Variants in ENPEP observed in about 807,000 individuals in gnomAD.
ENPEP encodes glutamyl aminopeptidase.
In ENPEP, 103 loss-of-function variants were observed where a neutral mutation model predicts 114.5. That is an observed-to-expected ratio of 0.90 (90% CI 0.77 to 1.06). The LOEUF (loss-of-function observed/expected upper bound fraction) is 1.06, where lower values mean the gene tolerates loss of function less well. Among genes scored for constraint, ENPEP ranks in the 50% least tolerant of loss-of-function variants. The pLI is 0.00. For missense variants in ENPEP, 1,196 were observed against 1,161.3 expected (o/e 1.03, Z -0.43); for synonymous variants, 420 against 422.0 (o/e 1.00, Z 0.06).
At chr4:110,524,256 G>A (rs879932490) in intron 10 of ENPEP, among the ~76,000 whole-genome samples, 15 of 152,128 alleles carry the variant, frequency 9.9e-5, no homozygotes, top group Non-Finnish European at 1.6e-4. Context: ...GGATGCTTCC[G>A]AGCAGGGCTG....
At chr4:110,513,659 A>G (rs1725662004) in intron 7 of ENPEP, 110 bp downstream of exon 7, 1 of 1,360,892 alleles carries the variant, frequency 7.3e-7, no homozygotes, top group Non-Finnish European at 1.0e-6. Flanking sequence ...AGCTTTGGAA[A>G]ACAGTGTAGA....
At chr4:110,532,657 T>G (rs1484775160) in intron 11 of ENPEP, among the ~76,000 whole-genome samples, 1 of 152,210 alleles carries the variant, frequency 6.6e-6, no homozygotes, top group Non-Finnish European at 1.5e-5. Context: ...TTTTGTGATT[T>G]TTTTTTACTA....
intron 1 of ENPEP, among the ~76,000 whole-genome samples, chr4:110,485,749 G>C (rs1724478514): frequency 6.6e-6 from 1 of 151,920 alleles, no homozygotes; most frequent in Non-Finnish European, 1.5e-5. Flanking sequence ...AATACAGGCT[G>C]GCTATTTTGA....
At chr4:110,554,335 T>C (rs554731876) in intron 18 of ENPEP, among the ~76,000 whole-genome samples, 30 of 152,164 alleles carry the variant, frequency 2.0e-4, no homozygotes, top group Admixed American at 1.8e-3. Flanking sequence ...AATTATTTTC[T>C]CTTTTCTACC....
intron 1 of ENPEP, among the ~76,000 whole-genome samples, chr4:110,487,967 A>G (rs1232036500): frequency 6.6e-6 from 1 of 152,194 alleles, no homozygotes; most frequent in Admixed American, 6.5e-5. Flanking sequence ...TTCACCTAGG[A>G]GATTACTCAG....
rs1291281513 is a variant in ENPEP at position 110,562,429 on chromosome 4, G to A, written c.*871G>A. 1 of 152,038 alleles carries A rather than the reference G, an allele frequency of 6.6e-6. No homozygotes were observed. The highest frequency in any genetic ancestry group is 2.1e-4 in the South Asian group (1 of 4,834). 9.4% of individuals were successfully genotyped at this position (152,038 alleles called of 1,614,324 possible). On this transcript the variant is annotated 3_prime_UTR_variant, in exon 20 of 20. Coordinates refer to ENST00000265162, the MANE Select transcript of ENPEP (RefSeq NM_001977.4). ...GCTCCATGGATTTTAGAGGAAAAAA[G>A]CTAAATAATTGGAAACTGTTCAGGA... is the stretch of plus-strand genomic sequence containing the variant.
At chr4:110,535,299 A>G (rs1726568926) in intron 11 of ENPEP, among the ~76,000 whole-genome samples, 1 of 152,212 alleles carries the variant, frequency 6.6e-6, no homozygotes, top group Non-Finnish European at 1.5e-5. Flanking sequence ...TGGACTATCC[A>G]GACTGTCCAG....
intron 3 of ENPEP, among the ~76,000 whole-genome samples, chr4:110,495,486 T>C (rs191783893): frequency 6.6e-5 from 10 of 152,240 alleles, no homozygotes; most frequent in Admixed American, 1.3e-4. Context: ...TTTGGGAGGC[T>C]GAGGTGTGCA....
intron 2 of ENPEP, among the ~76,000 whole-genome samples, chr4:110,489,260 G>C (rs1178356843): frequency 3.3e-5 from 5 of 150,926 alleles, no homozygotes; most frequent in Non-Finnish European, 5.9e-5. Context: ...TCCTTTGCAT[G>C]AACGTGGATG....
intron 10 of ENPEP, 63 bp downstream of exon 10, chr4:110,520,429 T>C (rs1490213062): frequency 2.9e-5 from 44 of 1,535,932 alleles, no homozygotes; most frequent in Non-Finnish European, 1.2e-5. Context: ...GTAATTTGTT[T>C]ATATCCTATT....
At chr4:110,547,549 G>C (rs909932737) in intron 13 of ENPEP, among the ~76,000 whole-genome samples, 1 of 151,996 alleles carries the variant, frequency 6.6e-6, no homozygotes, top group African/African-American at 2.4e-5. Flanking sequence ...GATTTCAAAA[G>C]GTTCTAAAAT....
Position 110,564,953 on chromosome 4 carries a change from T to G in ENPEP, c.*3395T>G, listed in dbSNP as rs1727780706. Reference sequence around the variant, plus strand: ...ACTTAGCCAGCACAGAGTACACATGTGCTGTAAATGAGAAATACCCCTTTG... The same window carrying G: ...ACTTAGCCAGCACAGAGTACACATGGGCTGTAAATGAGAAATACCCCTTTG... On this transcript the variant is annotated 3_prime_UTR_variant, in exon 20 of 20. Transcript: ENST00000265162. 1 of 152,210 alleles carries G rather than the reference T, an allele frequency of 6.6e-6. No homozygotes were observed. The highest frequency in any genetic ancestry group is 2.4e-5 in the African/African-American group (1 of 41,440). The allele number at this position is 152,210 out of a possible 1,614,324, so 9.4% of individuals were successfully genotyped here. A position where few individuals can be genotyped will look rare whatever the true frequency, so the allele number is the denominator to read the frequency against.
chr4:110,503,557 T>C (rs1725245210), intron 3 of ENPEP, among the ~76,000 whole-genome samples: 1 of 152,226 alleles, frequency 6.6e-6, no homozygotes, highest in South Asian at 2.1e-4. Flanking sequence ...ATTTCAGTCG[T>C]TTCAGTCTGG....
At chr4:110,522,177 C>T (rs1413348014) in intron 10 of ENPEP, among the ~76,000 whole-genome samples, 2 of 151,594 alleles carry the variant, frequency 1.3e-5, no homozygotes, top group African/African-American at 4.9e-5. Context: ...TGTGCCTGGA[C>T]TAGATAGGAT....
Position 110,561,416 on chromosome 4 carries a change from T to G in ENPEP, c.2732T>G (p.Phe911Cys). 1.9e-6 allele frequency: 3 copies of G among 1,613,742 alleles called. No individual in the cohort carries two copies. Among genetic ancestry groups the G allele is most frequent in the South Asian group, 2.2e-5 (2 of 91,014 alleles). ...TELQLWQMES[F>C]FAKYPQAGAG... Reference sequence around the variant, plus strand: ...CCCTCTCTTTTCTAGATGGAGAGCTTTTTTGCAAAATATCCACAAGCTGGA... The same window carrying G: ...CCCTCTCTTTTCTAGATGGAGAGCTGTTTTGCAAAATATCCACAAGCTGGA... Residue 911 changes from phenylalanine (F) to cysteine (C), a missense_variant, in exon 20 of 20, where the codon TTT becomes TGT. By Grantham distance (205) the Phe-to-Cys change is radical (BLOSUM62 -2). Coordinates refer to ENST00000265162, the MANE Select transcript of ENPEP (RefSeq NM_001977.4).
chr4:110,509,711 G>A lies in ENPEP; in HGVS notation c.1098G>A (p.Thr366=), dbSNP rs750720292. The change falls in exon 5 of 20, where the codon ACG becomes ACA. Residue 366 remains threonine (T), a synonymous_variant. Coordinates refer to ENST00000265162, the MANE Select transcript of ENPEP (RefSeq NM_001977.4). ...TGAMENWGLI[T]YRETNLLYDP... is the part of the protein sequence containing the mutation. ...CCATGGAGAACTGGGGACTCATCAC[G>A]TACAGAGAAACGAACCTGCTTTATG... 2.0e-5 allele frequency: 33 copies of A among 1,614,052 alleles called. No individual in the cohort carries two copies. The Admixed American group carries it at 4.2e-4, about 20-fold the overall frequency.
rs1727613906 is a variant in ENPEP, at chr4:110,559,717, C to T, written c.2713C>T (p.Leu905=). 1 of 1,612,798 alleles carries T rather than the reference C, an allele frequency of 6.2e-7. No homozygotes were observed. Among genetic ancestry groups the T allele is most frequent in the African/African-American group, 1.3e-5 (1 of 74,894 alleles). Residue 905 remains leucine (L), a synonymous_variant, in exon 19 of 20, where the codon CTG becomes TTG. Transcript: ENST00000265162. ...IAEPFNTELQ[L]WQMESFFAKY... is the part of the protein sequence containing the mutation. The stretch of plus-strand genomic sequence containing the variant: ...AGAGCCATTCAACACTGAACTGCAA[C>T]TGTGGCAGGTATGAAGATAAATTCC...
chr4:110,547,467 G>C (rs1175082066), intron 13 of ENPEP, among the ~76,000 whole-genome samples: 1 of 151,978 alleles, frequency 6.6e-6, no homozygotes, highest in Non-Finnish European at 1.5e-5. Context: ...TGTACTAGTG[G>C]TTTCTTGAGA....
Position 110,544,711 on chromosome 4 carries a change from A to G in ENPEP, c.2000+1641A>G, listed in dbSNP as rs371503857. On this transcript the variant is annotated intron_variant, in intron 13 of 19. Coordinates refer to ENST00000265162, the MANE Select transcript of ENPEP (RefSeq NM_001977.4). ...TTACAAAGAACTGTACTATCTCTAC[A>G]GTTTAATTTGCACCACAATGTAGGA... is the stretch of plus-strand genomic sequence containing the variant. Among the ~76,000 whole-genome samples, 9 of 152,278 alleles carry G rather than the reference A, an allele frequency of 5.9e-5. No individual in the cohort carries two copies. The South Asian group carries it at 1.2e-3, about 21-fold the overall frequency.
Sources: gnomAD v4.1 joint callset for allele counts (sites outside exome capture counted in the v4.1 genomes callset) on GRCh38, gnomAD v4.1.1 for gene constraint, MANE v1.5 for transcripts, NCBI Gene and HGNC (gene_info 2026-07-23, HGNC 2026-07-21) for gene names.